Variants in PXK observed in about 807,000 individuals in gnomAD.
The protein encoded by PXK is PX domain-containing protein kinase-like protein.
A neutral mutation model predicts 84.7 loss-of-function variants in PXK; 35 were observed. The ratio of observed to expected loss-of-function variants is 0.41; its 90% confidence interval spans 0.32 to 0.55. The LOEUF is 0.55. PXK is among the 20% of genes least tolerant of loss of function. The probability of loss-of-function intolerance (pLI) is 0.21; values close to 1 mark genes in which losing one functional copy is unlikely to be tolerated. For missense variants in PXK, 634 were observed against 699.7 expected, an observed-to-expected ratio of 0.91 and a Z score of 1.06; for synonymous variants, 253 against 260.8, an observed-to-expected ratio of 0.97 and a Z score of 0.29.
Position 58,333,338 on chromosome 3 carries a change from G to A in PXK, c.102+248G>A, listed in dbSNP as rs1006481024. On this transcript the variant is annotated intron_variant, in intron 1 of 17. Coordinates refer to ENST00000356151, the MANE Select transcript of PXK (RefSeq NM_017771.5). This position sits in a 1 kb window ranked among gnomAD's most constrained non-coding sequence, Gnocchi z 5.4. ...CTCCCGGCGCCGCGGGGTGGAAGGAGCTCGGCGGCGACCAGGAAAGCGACT... is the reference window on the plus strand; with the variant it reads ...CTCCCGGCGCCGCGGGGTGGAAGGAACTCGGCGGCGACCAGGAAAGCGACT... 6.5e-6 allele frequency: 2 copies of A among 308,012 alleles called. No homozygotes were observed. The highest frequency in any genetic ancestry group is 2.2e-5 in the African/African-American group (1 of 45,858). The allele number at this position is 308,012 out of a possible 1,614,324, so 19.1% of individuals were successfully genotyped here. A position where few individuals can be genotyped will look rare whatever the true frequency, so the allele number is the denominator to read the frequency against.
chr3:58,357,446 A>G (rs2098110481), intron 1 of PXK, among the ~76,000 whole-genome samples: 1 of 152,106 alleles, frequency 6.6e-6, no homozygotes, highest in Non-Finnish European at 1.5e-5. Context: ...TGCCTTCTGG[A>G]CACCTCCTGA....
At position 58,349,357 on chromosome 3, in the gene PXK, C is replaced by CTTT. The variant is rs547487999; in HGVS notation, c.102+16281_102+16283dup. Among the ~76,000 whole-genome samples, 611 of 134,922 alleles carry CTTT rather than the reference C, an allele frequency of 4.5e-3. 10 individuals are homozygous for CTTT. The highest frequency in any genetic ancestry group is 5.5e-3 in the Non-Finnish European group (353 of 63,786). 88.5% of individuals were successfully genotyped at this position (134,922 alleles called of 152,430 possible). ...AGTATGCTTTCATTCTCATAAATAT[C>CTTT]TTTTTTTTTTTTTTTTGAGACGGAG... On this transcript the variant is annotated intron_variant, in intron 1 of 17. Coordinates refer to ENST00000356151, the MANE Select transcript of PXK (RefSeq NM_017771.5).
At chr3:58,348,894 A>G (rs139615197) in intron 1 of PXK, among the ~76,000 whole-genome samples, 1 of 152,074 alleles carries the variant, frequency 6.6e-6, no homozygotes, top group South Asian at 2.1e-4. Context: ...CCTAGGTAAC[A>G]GAGTGAGACC....
rs932062583 is a variant in PXK at position 58,370,652 on chromosome 3, C to T, written c.201+1174C>T. On this transcript the variant is annotated intron_variant, in intron 3 of 17. Transcript: ENST00000356151. The surrounding 1 kb of genome is among the most constrained non-coding windows in gnomAD (Gnocchi z 4.2). ...AGGAGGACTGTGCACTAGGAGGAAG[C>T]GTAATACTTCCTTTCCTTCAGAAGG... 1.3e-5 allele frequency among the ~76,000 whole-genome samples: 2 copies of T among 152,106 alleles called. No individual in the cohort carries two copies. Among genetic ancestry groups the T allele is most frequent in the African/African-American group, 2.4e-5 (1 of 41,418 alleles).
At chr3:58,419,909 TTAAG>T (rs66520518) in intron 17 of PXK, among the ~76,000 whole-genome samples, 45,168 of 152,004 alleles carry the variant, frequency 0.3, 7,458 homozygotes, top group Middle Eastern at 0.4. Context: ...CTTTATGGCC[TTAAG>T]TAAGTTTCAC....
rs1402393607 is a variant in PXK, at chr3:58,385,471, C to A, written c.388+2771C>A. 1.3e-5 allele frequency among the ~76,000 whole-genome samples: 2 copies of A among 152,178 alleles called. No homozygotes were observed. The highest frequency in any genetic ancestry group is 2.9e-5 in the Non-Finnish European group (2 of 68,030). On this transcript the variant is annotated intron_variant, in intron 4 of 17. Coordinates refer to ENST00000356151, the MANE Select transcript of PXK (RefSeq NM_017771.5). The surrounding 1 kb of genome is among the most constrained non-coding windows in gnomAD (Gnocchi z 5.1). ...GGAACATACCCTGCACGCCTCTCAC[C>A]TTGTGGCACTTCTCTAAGCAGGGCC... is the stretch of plus-strand genomic sequence containing the variant.
At position 58,365,858 on chromosome 3, in the gene PXK, C is replaced by A; in HGVS notation, c.103-16C>A. The A allele has an allele frequency of 1.3e-6, 2 of 1,534,978 alleles. No individual in the cohort carries two copies. The highest frequency in any genetic ancestry group is 1.8e-6 in the Non-Finnish European group (2 of 1,142,226). ...CAGTTTTATAACTGAGGTTATTCTT[C>A]CCTTCTCTTTTTAAGGAATATATTA... On this transcript the variant is annotated splice_polypyrimidine_tract_variant and intron_variant, in intron 1 of 17. Transcript: ENST00000356151.
intron 2 of PXK, 146 bp downstream of exon 2, chr3:58,366,070 T>A: frequency 2.8e-6 from 2 of 712,666 alleles, no homozygotes; most frequent in Non-Finnish European, 4.5e-6. Flanking sequence ...ACTTTTAGCT[T>A]TAAGACAAGT....
chr3:58,349,732 T>G (rs2097887552), intron 1 of PXK, among the ~76,000 whole-genome samples: 2 of 152,220 alleles, frequency 1.3e-5, no homozygotes, highest in South Asian at 4.1e-4. Flanking sequence ...TTTTAGCCAC[T>G]AGGCTAATAA....
At position 58,419,720 on chromosome 3, in the gene PXK, A is replaced by G. The variant is rs73837616; in HGVS notation, c.1529-5032A>G. ...GCCTTGGGGAACAATGGTACTGAGA[A>G]GGCTGGAGGGCCTCTTTTCCGTTTC... On this transcript the variant is annotated intron_variant, in intron 17 of 17. Transcript: ENST00000356151. Among the ~76,000 whole-genome samples, 27 of 152,220 alleles carry G rather than the reference A, an allele frequency of 1.8e-4. No individual in the cohort carries two copies. In the East Asian group the frequency reaches 5.0e-3, roughly 28 times the overall value.
At chr3:58,406,487 G>A (rs2059426320) in intron 13 of PXK, among the ~76,000 whole-genome samples, 1 of 146,606 alleles carries the variant, frequency 6.8e-6, no homozygotes, top group Non-Finnish European at 1.5e-5. Flanking sequence ...CTGTTGCCCA[G>A]GCTAGTCTTG....
chr3:58,405,769 T>G (rs1300442950), intron 13 of PXK, among the ~76,000 whole-genome samples: 1 of 150,624 alleles, frequency 6.6e-6, no homozygotes, highest in African/African-American at 2.4e-5. Flanking sequence ...CAGAGTGAGA[T>G]TCTGTCTCAA....
At chr3:58,395,269 G>C (rs1560055407) in intron 8 of PXK, among the ~76,000 whole-genome samples, 167 bp downstream of exon 8, 1 of 152,188 alleles carries the variant, frequency 6.6e-6, no homozygotes, top group Non-Finnish European at 1.5e-5. Context: ...TACTTAGTTT[G>C]GTTAAAGAGC....
At chr3:58,404,026 C>A (rs955587474) in intron 13 of PXK, 116 bp downstream of exon 13, 1 of 544,106 alleles carries the variant, frequency 1.8e-6, no homozygotes, top group South Asian at 6.3e-5. Context: ...TGGGAAATAA[C>A]CTAAATGTCC....
intron 1 of PXK, among the ~76,000 whole-genome samples, chr3:58,362,716 A>G (rs1008809275): frequency 6.6e-6 from 1 of 152,080 alleles, no homozygotes; most frequent in Non-Finnish European, 1.5e-5. Flanking sequence ...CTGAGTCCTC[A>G]TACTTTATTT....
At chr3:58,375,925 T>A (rs2098438306) in intron 3 of PXK, among the ~76,000 whole-genome samples, 1 of 151,718 alleles carries the variant, frequency 6.6e-6, no homozygotes, top group African/African-American at 2.4e-5. Flanking sequence ...GTAATGAATG[T>A]TAAGTGCAAA....
intron 1 of PXK, among the ~76,000 whole-genome samples, chr3:58,337,241 T>C (rs980181342): frequency 6.6e-6 from 1 of 152,228 alleles, no homozygotes; most frequent in Non-Finnish European, 1.5e-5. Context: ...AAACATTTTT[T>C]AAAATCAGTG....
intron 3 of PXK, among the ~76,000 whole-genome samples, chr3:58,377,583 A>C (rs1029118002): frequency 6.6e-6 from 1 of 151,726 alleles, no homozygotes. Flanking sequence ...GTTCAAGTAC[A>C]TAGTGAGACC....
intron 1 of PXK, among the ~76,000 whole-genome samples, chr3:58,335,080 T>C (rs1001065601): frequency 6.6e-6 from 1 of 150,716 alleles, no homozygotes; most frequent in Admixed American, 6.6e-5. Context: ...CTCACCATGT[T>C]GTCCAGGCTG....
Sources: allele counts gnomAD v4.1 joint callset (sites outside exome capture counted in the v4.1 genomes callset), GRCh38; gene constraint gnomAD v4.1.1; non-coding constraint Gnocchi (gnomAD v3.1); transcripts MANE v1.5; gene names NCBI Gene and HGNC (gene_info 2026-07-23, HGNC 2026-07-21).